The following ARHGEF38 variants were observed in gnomAD, a reference collection of about 807,000 sequenced individuals.
ARHGEF38 encodes the protein Rho guanine nucleotide exchange factor 38, also known as Rho guanine nucleotide exchange factor (GEF) 38.
In ARHGEF38, 79 loss-of-function variants were observed where a neutral mutation model predicts 79.9. That is an observed-to-expected ratio of 0.99 (90% CI 0.82 to 1.19). The LOEUF (loss-of-function observed/expected upper bound fraction) is 1.19, where lower values mean the gene tolerates loss of function less well. Among genes scored for constraint, ARHGEF38 ranks in the 50% most tolerant of loss-of-function variants. The pLI, the probability that ARHGEF38 is intolerant of heterozygous loss-of-function variation, is 0.00. For missense variants in ARHGEF38, 962 were observed against 907.2 expected (o/e 1.06, Z -0.78); for synonymous variants, 366 against 328.3 (o/e 1.11, Z -1.24).
intron 13 of ARHGEF38, among the ~76,000 whole-genome samples, chr4:105,669,647 T>C (rs1730893545): frequency 6.6e-6 from 1 of 152,154 alleles, no homozygotes; most frequent in Non-Finnish European, 1.5e-5. Flanking sequence ...AATTAATCCA[T>C]TTTTAAGTGT....
intron 2 of ARHGEF38, among the ~76,000 whole-genome samples, chr4:105,590,759 A>G (rs944466906): frequency 1.3e-5 from 2 of 152,226 alleles, no homozygotes; most frequent in Admixed American, 1.3e-4. Context: ...TTTAATATTC[A>G]TTCCTATTAA....
chr4:105,600,535 C>T (rs963728740), intron 2 of ARHGEF38, among the ~76,000 whole-genome samples: 3 of 152,196 alleles, frequency 2.0e-5, no homozygotes, highest in Non-Finnish European at 4.4e-5. Flanking sequence ...CCTCTTCTCT[C>T]TTTTGTCCAC....
chr4:105,647,899 T>C (rs2110544843), intron 6 of ARHGEF38, among the ~76,000 whole-genome samples: 1 of 149,212 alleles, frequency 6.7e-6, no homozygotes, highest in South Asian at 2.1e-4. Flanking sequence ...TTTTTTTTTT[T>C]TTTTTTTTGA....
At chr4:105,610,739 G>A (rs997448758) in intron 2 of ARHGEF38, among the ~76,000 whole-genome samples, 1 of 152,082 alleles carries the variant, frequency 6.6e-6, no homozygotes, top group Non-Finnish European at 1.5e-5. Context: ...CCTTCAGGAA[G>A]AAGTGGAATT....
intron 9 of ARHGEF38, 105 bp from the exon 10 acceptor site, chr4:105,658,949 C>G: frequency 9.9e-7 from 1 of 1,008,674 alleles, no homozygotes; most frequent in South Asian, 1.7e-5. Flanking sequence ...TTCCTGTTTT[C>G]TTTTGTGCTT....
intron 10 of ARHGEF38, among the ~76,000 whole-genome samples, chr4:105,661,689 G>T (rs1020629707): frequency 2.6e-5 from 4 of 151,844 alleles, no homozygotes; most frequent in African/African-American, 9.7e-5. Flanking sequence ...ACACATCTGT[G>T]TAACTACCAC....
At chr4:105,682,341 G>A (rs1013829939), downstream of ARHGEF38, 8 of 160,790 alleles carry the variant, frequency 5.0e-5, no homozygotes, top group Non-Finnish European at 1.1e-4. Context: ...AGAATACGGG[G>A]AGGAAAATAG....
At chr4:105,669,351 T>C (rs1382251549) in intron 13 of ARHGEF38, among the ~76,000 whole-genome samples, 5 of 152,202 alleles carry the variant, frequency 3.3e-5, no homozygotes, top group Non-Finnish European at 7.3e-5. Context: ...GTTTTGGGCT[T>C]TTAAAAAATT....
chr4:105,568,013 A>G (rs1463745834), intron 1 of ARHGEF38, among the ~76,000 whole-genome samples: 1 of 139,006 alleles, frequency 7.2e-6, no homozygotes. Flanking sequence ...ATTCTCACCT[A>G]TGAGTGAGAA....
At chr4:105,664,066 A>G (rs1730663219) in intron 10 of ARHGEF38, among the ~76,000 whole-genome samples, 1 of 152,036 alleles carries the variant, frequency 6.6e-6, no homozygotes, top group Non-Finnish European at 1.5e-5. Flanking sequence ...GGTTGTGTCT[A>G]TCTCTTGGCT....
intron 3 of ARHGEF38, among the ~76,000 whole-genome samples, chr4:105,619,831 C>A (rs560565355): frequency 6.6e-6 from 1 of 152,220 alleles, no homozygotes; most frequent in East Asian, 1.9e-4. Flanking sequence ...AACCTTTTAC[C>A]AAAGCACTTT....
chr4:105,678,085 C>A lies in ARHGEF38; in HGVS notation c.*148C>A. On this transcript the variant is annotated 3_prime_UTR_variant, in exon 14 of 14. Transcript: ENST00000420470. Reference sequence around the variant, plus strand: ...CTGGGTTTTCAGGAATACTGTACTTCCTAACAGGATTATTGCATGAATGTA... The same window carrying A: ...CTGGGTTTTCAGGAATACTGTACTTACTAACAGGATTATTGCATGAATGTA... The A allele has an allele frequency of 1.8e-6, 1 of 549,480 alleles. No homozygotes were observed. Among genetic ancestry groups the A allele is most frequent in the Non-Finnish European group, 3.0e-6 (1 of 334,648 alleles). The allele number at this position is 549,480 out of a possible 1,614,324, so 34.0% of individuals were successfully genotyped here.
chr4:105,630,779 C>T (rs1729151357), intron 3 of ARHGEF38, 119 bp from the exon 4 acceptor site: 1 of 760,876 alleles, frequency 1.3e-6, no homozygotes, highest in Admixed American at 3.1e-5. Context: ...CCTGAATAAC[C>T]TGGGGATAAA....
chr4:105,604,450 C>T (rs1727956545), intron 2 of ARHGEF38, among the ~76,000 whole-genome samples: 3 of 152,062 alleles, frequency 2.0e-5, no homozygotes, highest in Admixed American at 6.6e-5. Flanking sequence ...CTTCTTTTTT[C>T]CTTTCATTTA....
chr4:105,554,628 C>G (rs1725169965), intron 1 of ARHGEF38, among the ~76,000 whole-genome samples: 1 of 152,160 alleles, frequency 6.6e-6, no homozygotes, highest in Non-Finnish European at 1.5e-5. Flanking sequence ...CCTGGTTCTT[C>G]AACTTACTAC....
intron 4 of ARHGEF38, among the ~76,000 whole-genome samples, chr4:105,635,744 T>C (rs1729370762): frequency 6.6e-6 from 1 of 152,008 alleles, no homozygotes. Context: ...TTCATTGCAA[T>C]AGGAGAGTTC....
Position 105,587,001 on chromosome 4 carries a change from T to C in ARHGEF38, c.197-2247T>C, listed in dbSNP as rs778363802. On this transcript the variant is annotated intron_variant, in intron 1 of 13. Coordinates refer to ENST00000420470, the MANE Select transcript of ARHGEF38 (RefSeq NM_001242729.2). ...CATTTTTAAAAAGAAAGGGCCACAATGCAGCCTCCTCACTGCAGCTCCTCT... is the reference window on the plus strand; with the variant it reads ...CATTTTTAAAAAGAAAGGGCCACAACGCAGCCTCCTCACTGCAGCTCCTCT... 4.2e-4 allele frequency among the ~76,000 whole-genome samples: 59 copies of C among 139,212 alleles called. 1 individual carries two copies. Among genetic ancestry groups the C allele is most frequent in the Non-Finnish European group, 1.8e-4 (12 of 65,776 alleles). 91.3% of individuals were successfully genotyped at this position (139,212 alleles called of 152,430 possible). A position where few individuals can be genotyped will look rare whatever the true frequency, so the allele number is the denominator to read the frequency against.
At chr4:105,584,435 T>G (rs1726934012) in intron 1 of ARHGEF38, among the ~76,000 whole-genome samples, 1 of 152,228 alleles carries the variant, frequency 6.6e-6, no homozygotes, top group Non-Finnish European at 1.5e-5. Flanking sequence ...TTAACTAATT[T>G]AATCTTCGAA....
At chr4:105,597,342 T>C (rs959975653) in intron 2 of ARHGEF38, among the ~76,000 whole-genome samples, 36 of 152,216 alleles carry the variant, frequency 2.4e-4, no homozygotes, top group African/African-American at 8.2e-4. Context: ...TTTTCGATGG[T>C]CACAGAGGAC....
Sources: gnomAD v4.1 joint callset for allele counts (sites outside exome capture counted in the v4.1 genomes callset) on GRCh38, gnomAD v4.1.1 for gene constraint, MANE v1.5 for transcripts, NCBI Gene and HGNC (gene_info 2026-07-23, HGNC 2026-07-21) for gene names.